Variants in TMEM266 observed in about 807,000 individuals in gnomAD.
TMEM266 encodes Hv1 related protein 1.
TMEM266 carries 33 observed loss-of-function variants against 50.5 expected under a neutral mutation model. The observed-to-expected ratio is 0.65, with a 90% CI of 0.50 to 0.87. The LOEUF (loss-of-function observed/expected upper bound fraction) is 0.87. Ranked by LOEUF, TMEM266 falls within the 40% of genes least tolerant of loss-of-function variation. The pLI is 0.00. For synonymous variants in TMEM266, 310 were observed against 292.3 expected, an observed-to-expected ratio of 1.06 and a Z score of -0.62; for missense variants, 655 against 695.1, an observed-to-expected ratio of 0.94 and a Z score of 0.65.
chr15:76,190,894 C>T (rs1290339313), intron 8 of TMEM266, among the ~76,000 whole-genome samples: 1 of 152,154 alleles, frequency 6.6e-6, no homozygotes, highest in Admixed American at 6.5e-5. Context: ...CCTCCCGACT[C>T]GCTCCGTTTA....
intron 8 of TMEM266, chr15:76,191,503 GCA>G: frequency 6.5e-6 from 1 of 153,668 alleles, no homozygotes. Flanking sequence ...AGACCAGCGG[GCA>G]GTGACGCCAG....
intron 1 of TMEM266, chr15:76,108,910 A>C (rs959077060): frequency 1.3e-5 from 2 of 152,212 alleles, no homozygotes; most frequent in African/African-American, 4.8e-5. Context: ...AACTGTATTT[A>C]CTATCTGTAG....
intron 3 of TMEM266, among the ~76,000 whole-genome samples, chr15:76,154,287 A>C (rs138318050): frequency 1.3e-5 from 2 of 152,220 alleles, no homozygotes; most frequent in Non-Finnish European, 2.9e-5. Flanking sequence ...GTAACTGGAC[A>C]TACTGCGCTT....
At chr15:76,119,064 C>T (rs914054727) in intron 1 of TMEM266, among the ~76,000 whole-genome samples, 2 of 152,168 alleles carry the variant, frequency 1.3e-5, no homozygotes, top group Non-Finnish European at 2.9e-5. Context: ...GGAATGAGGA[C>T]AGGAAAGCAC....
intron 8 of TMEM266, among the ~76,000 whole-genome samples, chr15:76,187,081 T>C (rs1567181054): frequency 6.6e-6 from 1 of 152,218 alleles, no homozygotes; most frequent in Non-Finnish European, 1.5e-5. Flanking sequence ...AGAAAGGCAT[T>C]TTCATTCCAA....
intron 1 of TMEM266, among the ~76,000 whole-genome samples, chr15:76,116,303 C>T (rs1293350184): frequency 6.6e-6 from 1 of 152,180 alleles, no homozygotes; most frequent in Non-Finnish European, 1.5e-5. Flanking sequence ...GCCGATAAGG[C>T]TCCGTAGCTT....
At chr15:76,084,001 C>T (rs2036734289) in intron 1 of TMEM266, among the ~76,000 whole-genome samples, 2 of 152,100 alleles carry the variant, frequency 1.3e-5, no homozygotes, top group African/African-American at 4.8e-5. Context: ...GTGATGTAAT[C>T]AGTAACACTC....
rs368170434 is a variant in TMEM266 at position 76,132,311 on chromosome 15, G to A, written c.-96-1857G>A. On this transcript the variant is annotated intron_variant, in intron 1 of 10. Transcript: ENST00000388942. ...TTTTCAGTAGAGACAGGGCTTCACCGTGTTAGCCAGGATGGTCTTGATCTC... is the reference window on the plus strand; with the variant it reads ...TTTTCAGTAGAGACAGGGCTTCACCATGTTAGCCAGGATGGTCTTGATCTC... 3.3e-5 allele frequency among the ~76,000 whole-genome samples: 5 copies of A among 151,494 alleles called. No individual in the cohort carries two copies. In the East Asian group the frequency reaches 6.0e-4, roughly 18 times the overall value.
intron 1 of TMEM266, among the ~76,000 whole-genome samples, chr15:76,081,980 T>C (rs2036700807): frequency 6.6e-6 from 1 of 152,172 alleles, no homozygotes; most frequent in Non-Finnish European, 1.5e-5. Context: ...CGTTCTTCCT[T>C]TTCAAAACTA....
At position 76,084,144 on chromosome 15, in the gene TMEM266, C is replaced by G. The variant is rs141657034; in HGVS notation, c.-97+24128C>G. 1.0e-3 allele frequency among the ~76,000 whole-genome samples: 153 copies of G among 152,172 alleles called. 1 individual carries two copies. Among genetic ancestry groups the G allele is most frequent in the African/African-American group, 3.4e-3 (143 of 41,548 alleles). On this transcript the variant is annotated intron_variant, in intron 1 of 10. Transcript: ENST00000388942. ...CCTGGGCAACATAGTGAGACCCTCT[C>G]TTTATGAAAAATCAAAAAAATTAGC...
rs2038800996 is a variant in TMEM266, at chr15:76,204,210, G to C, written c.1491G>C (p.Gln497His). Residue 497 changes from glutamine to histidine, a missense_variant, in exon 11 of 11, where the codon CAG (glutamine) becomes CAC (histidine). Transcript: ENST00000388942. ...ACCAGGAGGGCTTCACTGTCTTTCA[G>C]ATCAGGCCTGTCATCCACTTCCAGC... ...VFQIRPVIHF[Q>H]PTVPMLEDKF... 8 of 1,613,884 alleles carry C rather than the reference G, an allele frequency of 5.0e-6. No homozygotes were observed. Among genetic ancestry groups the C allele is most frequent in the Non-Finnish European group, 5.9e-6 (7 of 1,180,022 alleles).
In TMEM266 at chr15:76,161,585, A is replaced by G. The variant is rs2038018961; in HGVS notation, c.456+1417A>G. Reference sequence around the variant, plus strand: ...GCAGCAGGCATTCCAAGCATGGAACATTCCCTTTCCTGGGCCTCGCCTCCT... The same window carrying G: ...GCAGCAGGCATTCCAAGCATGGAACGTTCCCTTTCCTGGGCCTCGCCTCCT... On this transcript the variant is annotated intron_variant, in intron 5 of 10. Coordinates refer to ENST00000388942, the MANE Select transcript of TMEM266 (RefSeq NM_152335.3). This position sits in a 1 kb window ranked among gnomAD's most constrained non-coding sequence, Gnocchi z 4.1. Among the ~76,000 whole-genome samples the G allele has an allele frequency of 6.6e-6, 1 of 152,124 alleles. No homozygotes were observed. Among genetic ancestry groups the G allele is most frequent in the Non-Finnish European group, 1.5e-5 (1 of 68,000 alleles).
chr15:76,147,862 C>CA (rs954888222), intron 3 of TMEM266, among the ~76,000 whole-genome samples: 3 of 152,174 alleles, frequency 2.0e-5, no homozygotes, highest in African/African-American at 7.2e-5. Context: ...CCCCTCTCTA[C>CA]AAAAATTTAA....
intron 1 of TMEM266, among the ~76,000 whole-genome samples, chr15:76,077,764 A>T (rs1438302561): frequency 6.6e-6 from 1 of 152,080 alleles, no homozygotes; most frequent in Non-Finnish European, 1.5e-5. Flanking sequence ...CAAGCCTTAG[A>T]GGGAGCTAGG....
rs2037933782 is a variant in TMEM266 at position 76,156,706 on chromosome 15, G to A, written c.330G>A (p.Leu110=). Residue 110 remains leucine, a synonymous_variant, in exon 4 of 11, where the codon TTG becomes TTA. Transcript: ENST00000388942. ...GTTTCCTGGTAGCCTGTGTAATATTGGTGGTGATTCTCCTGACTCTGGAAC... is the reference window on the plus strand; with the variant it reads ...GTTTCCTGGTAGCCTGTGTAATATTAGTGGTGATTCTCCTGACTCTGGAAC... The A allele has an allele frequency of 6.2e-7, 1 of 1,614,054 alleles. No individual in the cohort carries two copies. Among genetic ancestry groups the A allele is most frequent in the Admixed American group, 1.7e-5 (1 of 60,002 alleles).
At position 76,192,073 on chromosome 15, in the gene TMEM266, A is replaced by T. The variant is rs1275770438; in HGVS notation, c.874A>T (p.Ser292Cys). The change falls in exon 9 of 11, where the codon AGC becomes TGC. Residue 292 changes from serine (S) to cysteine (C), a missense_variant. Around this residue, in one of 3 missense-constraint regions of TMEM266, gnomAD observed 455 missense variants for 401.8 expected, o/e 1.13. Transcript: ENST00000388942. ...CCCGCACGTGCTCAGCCAGCCGCGCAGCCGCTTCAAAGTGTTGGAGGCCGG... is the reference window on the plus strand; with the variant it reads ...CCCGCACGTGCTCAGCCAGCCGCGCTGCCGCTTCAAAGTGTTGGAGGCCGG... 1.4e-6 allele frequency: 2 copies of T among 1,479,292 alleles called. No homozygotes were observed. The highest frequency in any genetic ancestry group is 1.8e-6 in the Non-Finnish European group (2 of 1,120,184). The allele number at this position is 1,479,292 out of a possible 1,614,324, so 91.6% of individuals were successfully genotyped here. A position where few individuals can be genotyped will look rare whatever the true frequency, so the allele number is the denominator to read the frequency against.
chr15:76,141,202 C>T (rs2037670771), intron 3 of TMEM266, among the ~76,000 whole-genome samples: 1 of 151,676 alleles, frequency 6.6e-6, no homozygotes, highest in East Asian at 1.9e-4. Flanking sequence ...CCACTTCCAG[C>T]TACCCTGTCC....
chr15:76,170,449 A>G (rs2038169810), intron 6 of TMEM266, among the ~76,000 whole-genome samples: 1 of 152,204 alleles, frequency 6.6e-6, no homozygotes, highest in East Asian at 1.9e-4. Flanking sequence ...TGGCCGATGG[A>G]TGGCTCAGAA....
intron 8 of TMEM266, among the ~76,000 whole-genome samples, chr15:76,191,308 G>A (rs2038563657): frequency 6.6e-6 from 1 of 152,262 alleles, no homozygotes; most frequent in Non-Finnish European, 1.5e-5. Context: ...CCATCTGGGA[G>A]AAAGCCCTTA....
Sources: allele counts gnomAD v4.1 joint callset (sites outside exome capture counted in the v4.1 genomes callset), GRCh38; gene constraint gnomAD v4.1.1; regional missense constraint gnomAD v4.1.1; non-coding constraint Gnocchi (gnomAD v3.1); transcripts MANE v1.5; gene names NCBI Gene and HGNC (gene_info 2026-07-23, HGNC 2026-07-21).